The following AHCY variants were observed in gnomAD, a reference collection of about 807,000 sequenced individuals.
The protein encoded by AHCY is adenosylhomocysteinase, also known as S-adenosyl-L-homocysteine hydrolase.
Under a neutral mutation model 45.4 loss-of-function variants are expected in AHCY, and 24 were observed. That is an observed-to-expected ratio of 0.53 (90% CI 0.38 to 0.74). The LOEUF is 0.74. Among genes scored for constraint, AHCY ranks in the 30% least tolerant of loss-of-function variants. The pLI is 0.00. For synonymous variants in AHCY, 245 were observed against 235.1 expected (o/e 1.04, Z -0.39); for missense variants, 449 against 594.1 (o/e 0.76, Z 2.54).
the AHCY span, among the ~76,000 whole-genome samples, chr20:34,254,006 C>T: frequency 6.6e-6 from 1 of 152,056 alleles, no homozygotes; most frequent in African/African-American, 2.4e-5. Flanking sequence ...GTTGAGAAAC[C>T]CAGTTACACA....
At chr20:34,267,522 T>C in the AHCY span, among the ~76,000 whole-genome samples, 1 of 150,672 alleles carries the variant, frequency 6.6e-6, no homozygotes, top group South Asian at 2.1e-4. Context: ...AATTTGCTTA[T>C]GGCCACTTTA....
chr20:34,266,586 T>G, the AHCY span, among the ~76,000 whole-genome samples: 2 of 150,150 alleles, frequency 1.3e-5, no homozygotes, highest in Non-Finnish European at 3.0e-5. Flanking sequence ...GGCAGGAGAA[T>G]CACTGGAACC....
At chr20:34,258,696 CTATA>C in the AHCY span, among the ~76,000 whole-genome samples, 3 of 11,652 alleles carry the variant, frequency 2.6e-4, no homozygotes, top group Admixed American at 2.3e-3. Context: ...TATATACATA[CTATA>C]TATATATATT....
the AHCY span, among the ~76,000 whole-genome samples, chr20:34,251,419 C>T: frequency 4.6e-5 from 7 of 152,066 alleles, no homozygotes; most frequent in African/African-American, 1.2e-4. Context: ...TACAGGTGCC[C>T]GCCACCACGC....
At chr20:34,285,243 C>A (rs1030934496) in intron 9 of AHCY, among the ~76,000 whole-genome samples, 197 bp downstream of exon 9, 1 of 152,202 alleles carries the variant, frequency 6.6e-6, no homozygotes, top group African/African-American at 2.4e-5. Flanking sequence ...CTGCTGTGCT[C>A]CAGGGAGCCA....
chr20:34,293,876 T>C, intron 3 of AHCY: 1 of 648,354 alleles, frequency 1.5e-6, no homozygotes, highest in Non-Finnish European at 2.8e-6. Context: ...CGGCTTGACC[T>C]GGGTCAATAA....
At chr20:34,274,428 G>A in the AHCY span, among the ~76,000 whole-genome samples, 1 of 152,246 alleles carries the variant, frequency 6.6e-6, no homozygotes, top group African/African-American at 2.4e-5. Context: ...AGGCAGAGGG[G>A]ACTCTGCCTG....
At chr20:34,302,983 C>T in intron 1 of AHCY, 1 of 985,476 alleles carries the variant, frequency 1.0e-6, no homozygotes, top group South Asian at 4.7e-5. Flanking sequence ...AGCACGCCGC[C>T]AGTTTGCGGC....
the AHCY span, among the ~76,000 whole-genome samples, chr20:34,266,525 T>G: frequency 2.3e-4 from 35 of 151,344 alleles, no homozygotes; most frequent in South Asian, 4.0e-3. Context: ...ATACAAAAAT[T>G]AGCTGGGCGT....
At chr20:34,255,959 T>C in the AHCY span, among the ~76,000 whole-genome samples, 3 of 152,156 alleles carry the variant, frequency 2.0e-5, no homozygotes, top group Non-Finnish European at 4.4e-5. Context: ...CTGACATCAG[T>C]CAGGCCCACC....
rs2035967260 is a variant in AHCY at position 34,280,542 on chromosome 20, G to A, written c.*492C>T. 4.5e-6 allele frequency: 1 copy of A among 223,454 alleles called. No individual in the cohort carries two copies. The highest frequency in any genetic ancestry group is 2.2e-5 in the African/African-American group (1 of 44,504). 13.8% of individuals were successfully genotyped at this position (223,454 alleles called of 1,614,324 possible). ...CTAACCTCATTGTAATGAGGTTTAA[G>A]AGAAGGCCCAGCACTAAGCCAGGCT... On this transcript the variant is annotated 3_prime_UTR_variant, in exon 10 of 10. Coordinates refer to ENST00000217426, the MANE Select transcript of AHCY (RefSeq NM_000687.4).
upstream of AHCY, among the ~76,000 whole-genome samples, chr20:34,307,526 C>T (rs1601693934): frequency 1.3e-5 from 2 of 152,168 alleles, no homozygotes; most frequent in African/African-American, 4.8e-5. Context: ...GCACATGCCA[C>T]CGTGTCCAGC....
the AHCY span, among the ~76,000 whole-genome samples, chr20:34,261,043 A>G: frequency 3.9e-5 from 6 of 152,348 alleles, no homozygotes; most frequent in African/African-American, 1.2e-4. Context: ...GTCTTTATTC[A>G]TATTTCACAG....
At chr20:34,274,679 G>A in the AHCY span, among the ~76,000 whole-genome samples, 1 of 152,136 alleles carries the variant, frequency 6.6e-6, no homozygotes, top group African/African-American at 2.4e-5. Flanking sequence ...GGGTATGGTG[G>A]CTCACTCCTG....
chr20:34,262,546 C>T, the AHCY span, among the ~76,000 whole-genome samples: 7 of 152,164 alleles, frequency 4.6e-5, no homozygotes, highest in Admixed American at 3.9e-4. Context: ...TCACTTAGGT[C>T]GAGGGACCAG....
rs540672652 is a variant in AHCY at position 34,280,890 on chromosome 20, G to A, written c.*144C>T. ...GGAACAGTATGACGGCTGCAGCAGA[G>A]GCCAAAAACTAAGTGATCAGCCCCA... On this transcript the variant is annotated 3_prime_UTR_variant, in exon 10 of 10. Transcript: ENST00000217426. 2.2e-5 allele frequency: 29 copies of A among 1,300,226 alleles called. No individual in the cohort carries two copies. The East Asian group carries it at 4.8e-4, about 21-fold the overall frequency. 80.5% of individuals were successfully genotyped at this position (1,300,226 alleles called of 1,614,324 possible). A position where few individuals can be genotyped will look rare whatever the true frequency, so the allele number is the denominator to read the frequency against.
the AHCY span, chr20:34,269,028 C>A: frequency 3.1e-6 from 5 of 1,607,960 alleles, no homozygotes; most frequent in East Asian, 2.2e-5. Flanking sequence ...CGGCCCCGGA[C>A]CCCCCTATCT....
the AHCY span, among the ~76,000 whole-genome samples, chr20:34,235,933 G>C: frequency 4.0e-5 from 5 of 124,078 alleles, no homozygotes; most frequent in Non-Finnish European, 7.9e-5. Flanking sequence ...GAAGGAAGCG[G>C]GAGGGAGGGA....
rs540351743 is a variant in AHCY at position 34,287,691 on chromosome 20, C to T, written c.973-2057G>A. Among the ~76,000 whole-genome samples, 140 of 150,230 alleles carry T rather than the reference C, an allele frequency of 9.3e-4. 1 individual carries two copies. Among genetic ancestry groups the T allele is most frequent in the African/African-American group, 3.3e-3 (133 of 40,770 alleles). Reference sequence around the variant, plus strand: ...ACAGGTGTGTGCCACCGTGCCTGGCCAGAAGGGGGTCTCTTGAGCTGGGCT... The same window carrying T: ...ACAGGTGTGTGCCACCGTGCCTGGCTAGAAGGGGGTCTCTTGAGCTGGGCT... On this transcript the variant is annotated intron_variant, in intron 8 of 9. Coordinates refer to ENST00000217426, the MANE Select transcript of AHCY (RefSeq NM_000687.4).
Sources: allele counts gnomAD v4.1 joint callset (sites outside exome capture counted in the v4.1 genomes callset), GRCh38; gene constraint gnomAD v4.1.1; transcripts MANE v1.5; gene names NCBI Gene and HGNC (gene_info 2026-07-23, HGNC 2026-07-21).